LINGO2: variants seen among roughly 807,000 people sequenced by gnomAD.
LINGO2 encodes the protein leucine-rich repeat and immunoglobulin-like domain-containing nogo receptor-interacting protein 2.
A neutral mutation model predicts 30.6 loss-of-function variants in LINGO2; 14 were observed. That is an observed-to-expected ratio of 0.46 (90% CI 0.30 to 0.72). The LOEUF is 0.72. LINGO2 is among the 30% of genes least tolerant of loss of function. The probability of loss-of-function intolerance (pLI) is 0.07; values close to 1 mark genes in which losing one functional copy is unlikely to be tolerated. For synonymous variants in LINGO2, 317 were observed against 288.5 expected (o/e 1.10, Z -1.00); for missense variants, 729 against 751.7 (o/e 0.97, Z 0.35).
the LINGO2 span, among the ~76,000 whole-genome samples, chr9:28,881,771 G>A: frequency 6.6e-6 from 1 of 152,020 alleles, no homozygotes; most frequent in Non-Finnish European, 1.5e-5. Flanking sequence ...GCATCCACTA[G>A]CTATTCTTCC....
chr9:28,417,525 G>C (rs1417897795), intron 2 of LINGO2, among the ~76,000 whole-genome samples: 1 of 151,660 alleles, frequency 6.6e-6, no homozygotes, highest in African/African-American at 2.4e-5. Context: ...ATTCCATAAG[G>C]TTAGAAAAAT....
At chr9:28,103,620 G>A (rs575126963) in intron 4 of LINGO2, among the ~76,000 whole-genome samples, 6 of 152,252 alleles carry the variant, frequency 3.9e-5, no homozygotes, top group African/African-American at 1.4e-4. Flanking sequence ...ACATAAGTGA[G>A]TCCAACAGCC....
chr9:28,598,884 A>G (rs1825335765), intron 1 of LINGO2: 1 of 152,160 alleles, frequency 6.6e-6, no homozygotes, highest in Admixed American at 6.6e-5. Context: ...CCCTTATACT[A>G]AAAGGATCAA....
the LINGO2 span, among the ~76,000 whole-genome samples, chr9:29,093,830 T>C: frequency 1.4e-5 from 2 of 137,946 alleles, 1 homozygote; most frequent in East Asian, 4.9e-4. Context: ...AATTGAACTT[T>C]AGTTCTAAGA....
chr9:28,996,020 T>TAA, the LINGO2 span, among the ~76,000 whole-genome samples: 77,608 of 150,298 alleles, frequency 0.52, 20,997 homozygotes, highest in Non-Finnish European at 0.6. Context: ...TAAAGTATAA[T>TAA]AAAAAAAATG....
chr9:28,641,958 C>G (rs1471812550), intron 1 of LINGO2, among the ~76,000 whole-genome samples: 1 of 151,560 alleles, frequency 6.6e-6, no homozygotes, highest in Admixed American at 6.6e-5. Flanking sequence ...AGGTTTAGTC[C>G]TTACAAGTTC....
chr9:27,979,243 G>A (rs1010218713), intron 5 of LINGO2, among the ~76,000 whole-genome samples: 1 of 152,006 alleles, frequency 6.6e-6, no homozygotes, highest in Non-Finnish European at 1.5e-5. Flanking sequence ...CAATGCAGGG[G>A]TAGTGGCAGC....
chr9:27,969,526 T>A (rs1304250313), intron 5 of LINGO2, among the ~76,000 whole-genome samples: 1 of 152,180 alleles, frequency 6.6e-6, no homozygotes, highest in Non-Finnish European at 1.5e-5. Flanking sequence ...CATTATTTTA[T>A]TCAGTCCTCA....
intron 1 of LINGO2, among the ~76,000 whole-genome samples, chr9:28,663,794 T>C (rs937014469): frequency 3.3e-5 from 5 of 152,182 alleles, no homozygotes; most frequent in Non-Finnish European, 5.9e-5. Context: ...TGAAGATGAC[T>C]GGTGAGTCAT....
At chr9:28,977,449 A>AT in the LINGO2 span, among the ~76,000 whole-genome samples, 1 of 152,094 alleles carries the variant, frequency 6.6e-6, no homozygotes. Flanking sequence ...CATTATGTTT[A>AT]TGATTTTTGA....
intron 1 of LINGO2, among the ~76,000 whole-genome samples, chr9:28,508,554 T>G (rs933550711): frequency 2.0e-5 from 3 of 152,106 alleles, no homozygotes; most frequent in Non-Finnish European, 2.9e-5. Context: ...TGAAATGATT[T>G]TCCTACTTTT....
intron 2 of LINGO2, among the ~76,000 whole-genome samples, chr9:28,441,493 T>C (rs890030782): frequency 1.7e-4 from 26 of 151,890 alleles, no homozygotes; most frequent in African/African-American, 6.3e-4. Context: ...TAGGCACTTA[T>C]TGAAAAAGCA....
rs11421803 is a variant in LINGO2 at position 28,172,034 on chromosome 9, C to CAAAA, written c.-87+123170_-87+123173dup. Among the ~76,000 whole-genome samples, 218 of 98,738 alleles carry CAAAA rather than the reference C, an allele frequency of 2.2e-3. 3 individuals are homozygous for CAAAA. The highest frequency in any genetic ancestry group is 5.9e-3 in the African/African-American group (155 of 26,064). The allele number at this position is 98,738 out of a possible 152,430, so 64.8% of individuals were successfully genotyped here. On this transcript the variant is annotated intron_variant, in intron 4 of 5. Coordinates refer to ENST00000379992, the Ensembl canonical transcript of LINGO2. ...TCCGTCTCAAAAAAAAAAAAAAAAACAAAAAAAAAAACCCAGCATCTCCTA... is the reference window on the plus strand; with the variant it reads ...TCCGTCTCAAAAAAAAAAAAAAAAACAAAAAAAAAAAAAAACCCAGCATCTCCTA...
chr9:28,908,156 T>C, the LINGO2 span, among the ~76,000 whole-genome samples: 50 of 150,386 alleles, frequency 3.3e-4, no homozygotes, highest in Middle Eastern at 3.4e-3. Flanking sequence ...CACACACACA[T>C]ACACACACAC....
At chr9:28,770,296 A>G in the LINGO2 span, among the ~76,000 whole-genome samples, 10,700 of 152,164 alleles carry the variant, frequency 0.07, 1,253 homozygotes, top group African/African-American at 0.24. Context: ...AAGTTAGCCA[A>G]CTGTGTCTTC....
intron 3 of LINGO2, among the ~76,000 whole-genome samples, chr9:28,368,926 C>T (rs954828286): frequency 3.9e-5 from 6 of 152,236 alleles, no homozygotes; most frequent in Non-Finnish European, 8.8e-5. Context: ...CTAAACTGAT[C>T]TTAGGATTTG....
At chr9:28,613,915 A>C (rs2135795908) in intron 1 of LINGO2, among the ~76,000 whole-genome samples, 1 of 151,828 alleles carries the variant, frequency 6.6e-6, no homozygotes, top group Admixed American at 6.6e-5. Context: ...ATGAATGGAT[A>C]CCCAACTTTG....
chr9:28,337,430 C>A (rs1187556209), intron 3 of LINGO2, among the ~76,000 whole-genome samples: 1 of 152,028 alleles, frequency 6.6e-6, no homozygotes, highest in Non-Finnish European at 1.5e-5. Flanking sequence ...AAATAAAATT[C>A]CATTTTCTGA....
rs1269852407 is a variant in LINGO2, at chr9:28,575,930, A to ACACG, written c.-365+94269_-365+94270insCGTG. Among the ~76,000 whole-genome samples the ACACG allele has an allele frequency of 3.5e-3, 534 of 151,172 alleles. 3 individuals are homozygous for ACACG. Among genetic ancestry groups the ACACG allele is most frequent in the African/African-American group, 0.013 (515 of 41,134 alleles). ...AATTATCCTCTTAGCCTTGAAATAC[A>ACACG]CACACACACACACACACACACATAC... On this transcript the variant is annotated intron_variant, in intron 1 of 5. Transcript: ENST00000379992.
Sources: allele counts gnomAD v4.1 joint callset (sites outside exome capture counted in the v4.1 genomes callset), GRCh38; gene constraint gnomAD v4.1.1; transcripts MANE v1.5; gene names NCBI Gene and HGNC (gene_info 2026-07-23, HGNC 2026-07-21).